The following PPP2R5E variants were observed in gnomAD, a reference collection of about 807,000 sequenced individuals.
The protein encoded by PPP2R5E is protein phosphatase 2 regulatory subunit B'epsilon.
Under a neutral mutation model 65.3 loss-of-function variants are expected in PPP2R5E, and 4 were observed. The ratio of observed to expected loss-of-function variants is 0.06; its 90% CI spans 0.03 to 0.14. The LOEUF (loss-of-function observed/expected upper bound fraction) is 0.14. Ranked by LOEUF, PPP2R5E falls within the 10% of genes least tolerant of loss-of-function variation. The probability of loss-of-function intolerance (pLI) is 1.00; values close to 1 mark genes in which losing one functional copy is unlikely to be tolerated. For missense variants in PPP2R5E, 274 were observed against 556.1 expected (o/e 0.49, Z 5.10); for synonymous variants, 183 against 187.4 (o/e 0.98, Z 0.19).
chr14:63,439,696 G>T (rs1888121408), intron 3 of PPP2R5E, among the ~76,000 whole-genome samples: 1 of 152,160 alleles, frequency 6.6e-6, no homozygotes, highest in South Asian at 2.1e-4. Context: ...GTTTGTCTAT[G>T]CCACTGACCC....
chr14:63,512,840 T>C (rs1594957958), intron 2 of PPP2R5E, among the ~76,000 whole-genome samples: 1 of 152,192 alleles, frequency 6.6e-6, no homozygotes, highest in Non-Finnish European at 1.5e-5. Flanking sequence ...AAATGTTCTG[T>C]CACAAGCTTT....
intron 2 of PPP2R5E, among the ~76,000 whole-genome samples, chr14:63,536,562 A>G (rs1053662081): frequency 6.6e-6 from 1 of 152,254 alleles, no homozygotes; most frequent in African/African-American, 2.4e-5. Flanking sequence ...TTAAACAGGT[A>G]TCTGTACATC....
At chr14:63,466,953 G>A (rs1889845713) in intron 2 of PPP2R5E, among the ~76,000 whole-genome samples, 1 of 152,160 alleles carries the variant, frequency 6.6e-6, no homozygotes, top group East Asian at 1.9e-4. Context: ...TTGGCCGGGT[G>A]CAGTGGCTCA....
chr14:63,528,729 CTG>C (rs937484618), intron 2 of PPP2R5E, among the ~76,000 whole-genome samples: 17 of 151,540 alleles, frequency 1.1e-4, no homozygotes, highest in African/African-American at 2.9e-4. Flanking sequence ...AAAAAATAAA[CTG>C]TTTAAATATT....
chr14:63,469,362 G>T (rs772728923), intron 2 of PPP2R5E, among the ~76,000 whole-genome samples: 1 of 152,186 alleles, frequency 6.6e-6, no homozygotes, highest in Non-Finnish European at 1.5e-5. Context: ...CAGTCCAGGG[G>T]GAAGCAAGAT....
chr14:63,380,745 T>TA (rs773035850), intron 13 of PPP2R5E, among the ~76,000 whole-genome samples: 3 of 151,958 alleles, frequency 2.0e-5, no homozygotes, highest in Non-Finnish European at 4.4e-5. Flanking sequence ...ATATTCTGGG[T>TA]AAAAAATCCC....
Position 63,522,712 on chromosome 14 carries a change from C to T in PPP2R5E, c.157+16817G>A, listed in dbSNP as rs565345197. ...GAGGAGAGGAGCGTCTCTGCCCGGC[C>T]GCCCCGTCTGAGAAGTGAGGAGCCC... is the stretch of plus-strand genomic sequence containing the variant. On this transcript the variant is annotated intron_variant, in intron 2 of 13. Coordinates refer to ENST00000337537, the MANE Select transcript of PPP2R5E (RefSeq NM_006246.5). Among the ~76,000 whole-genome samples, 669 of 151,068 alleles carry T rather than the reference C, an allele frequency of 4.4e-3. 6 individuals are homozygous for T. The highest frequency in any genetic ancestry group is 0.015 in the African/African-American group (635 of 41,050).
intron 12 of PPP2R5E, among the ~76,000 whole-genome samples, chr14:63,383,773 T>G (rs1164235175): frequency 6.6e-6 from 1 of 152,214 alleles, no homozygotes; most frequent in Non-Finnish European, 1.5e-5. Flanking sequence ...TTCATAGGGC[T>G]GGATGTTAAA....
At chr14:63,431,145 G>A (rs1887648486) in intron 3 of PPP2R5E, among the ~76,000 whole-genome samples, 1 of 152,060 alleles carries the variant, frequency 6.6e-6, no homozygotes, top group South Asian at 2.1e-4. Context: ...GCGCATGCCT[G>A]TAGTCCCAGC....
At chr14:63,426,952 C>T (rs1887375064) in intron 3 of PPP2R5E, among the ~76,000 whole-genome samples, 2 of 152,106 alleles carry the variant, frequency 1.3e-5, no homozygotes, top group African/African-American at 4.8e-5. Context: ...TGGGAAAAGG[C>T]CAGTTGCCTT....
chr14:63,457,795 C>A (rs1889209614), intron 2 of PPP2R5E, among the ~76,000 whole-genome samples: 1 of 151,820 alleles, frequency 6.6e-6, no homozygotes, highest in African/African-American at 2.4e-5. Context: ...AATAATTGAT[C>A]CCATTATCAC....
At chr14:63,477,504 TAA>T (rs1890467723) in intron 2 of PPP2R5E, among the ~76,000 whole-genome samples, 1 of 149,554 alleles carries the variant, frequency 6.7e-6, no homozygotes, top group South Asian at 2.1e-4. Context: ...TAATGGCAAT[TAA>T]AAGAGGGGAG....
chr14:63,425,840 C>G (rs1177131240), intron 3 of PPP2R5E, among the ~76,000 whole-genome samples: 1 of 152,162 alleles, frequency 6.6e-6, no homozygotes, highest in Non-Finnish European at 1.5e-5. Context: ...ATGTTTATCC[C>G]TATATTGTGT....
chr14:63,383,771 G>A (rs562763101), intron 12 of PPP2R5E, among the ~76,000 whole-genome samples: 2 of 152,034 alleles, frequency 1.3e-5, no homozygotes, highest in Admixed American at 1.3e-4. Flanking sequence ...CTTTCATAGG[G>A]CTGGATGTTA....
intron 2 of PPP2R5E, among the ~76,000 whole-genome samples, chr14:63,480,633 A>G (rs956724262): frequency 1.3e-5 from 2 of 152,140 alleles, no homozygotes; most frequent in African/African-American, 4.8e-5. Flanking sequence ...TTTGGTAGAC[A>G]TAGGGACTCA....
intron 2 of PPP2R5E, among the ~76,000 whole-genome samples, chr14:63,480,267 G>A (rs1890628383): frequency 6.6e-6 from 1 of 152,086 alleles, no homozygotes; most frequent in African/African-American, 2.4e-5. Flanking sequence ...GGACCAGCCT[G>A]GCCAACATGG....
chr14:63,419,165 T>C (rs892110993), intron 4 of PPP2R5E, among the ~76,000 whole-genome samples: 4 of 152,134 alleles, frequency 2.6e-5, no homozygotes, highest in Non-Finnish European at 5.9e-5. Flanking sequence ...ATTTTGTGTA[T>C]GCCACAAATT....
At chr14:63,519,823 G>A (rs1416844507) in intron 2 of PPP2R5E, among the ~76,000 whole-genome samples, 1 of 151,250 alleles carries the variant, frequency 6.6e-6, no homozygotes, top group Non-Finnish European at 1.5e-5. Flanking sequence ...CACCATGTCC[G>A]GCTAATTTTT....
intron 3 of PPP2R5E, among the ~76,000 whole-genome samples, chr14:63,430,381 ACATACATACATACATACATG>A (rs1394127498): frequency 1.1e-4 from 15 of 133,034 alleles, no homozygotes; most frequent in African/African-American, 3.2e-4. Context: ...ATGCATGCAT[ACATACATACATACATACATG>A]CATACATACA....
Sources: gnomAD v4.1 joint callset for allele counts (sites outside exome capture counted in the v4.1 genomes callset) on GRCh38, gnomAD v4.1.1 for gene constraint, MANE v1.5 for transcripts, NCBI Gene and HGNC (gene_info 2026-07-23, HGNC 2026-07-21) for gene names.